Variants in ARHGAP11B observed in about 807,000 individuals in gnomAD.
ARHGAP11B encodes inactive Rho GTPase-activating protein 11B.
Under a neutral mutation model 27.6 loss-of-function variants are expected in ARHGAP11B, and 14 were observed. The ratio of observed to expected loss-of-function variants is 0.51; its 90% confidence interval spans 0.34 to 0.79. The LOEUF (loss-of-function observed/expected upper bound fraction) is 0.79, where lower values mean the gene tolerates loss of function less well. ARHGAP11B is among the 30% of genes least tolerant of loss of function. The pLI is 0.02. For synonymous variants in ARHGAP11B, 82 were observed against 114.1 expected (o/e 0.72, Z 1.80); for missense variants, 245 against 320.1 (o/e 0.77, Z 1.79).
At chr15:30,627,052 GA>G in intron 1 of ARHGAP11B, 103 bp downstream of exon 1, 2 of 1,531,950 alleles carry the variant, frequency 1.3e-6, no homozygotes, top group Non-Finnish European at 1.8e-6. Context: ...GTATCAAAAA[GA>G]ATGGTTAGGT....
At chr15:30,628,993 T>C (rs1026218481) in intron 1 of ARHGAP11B, among the ~76,000 whole-genome samples, 2 of 152,190 alleles carry the variant, frequency 1.3e-5, no homozygotes, top group Middle Eastern at 3.4e-3. Flanking sequence ...TCAAGAAAAT[T>C]CTGATTTACC....
intron 2 of ARHGAP11B, among the ~76,000 whole-genome samples, chr15:30,632,808 C>T (rs533858830): frequency 2.7e-4 from 41 of 151,892 alleles, no homozygotes; most frequent in Non-Finnish European, 5.4e-4. Context: ...GAAAAAAAAC[C>T]TCGCCCTGTT....
rs1389847863 is a variant in ARHGAP11B at position 30,638,957 on chromosome 15, T to A, written c.*78+137T>A. 7.1e-6 allele frequency: 3 copies of A among 420,742 alleles called. No homozygotes were observed. In the South Asian group the frequency reaches 1.5e-4, roughly 21 times the overall value. 26.1% of individuals were successfully genotyped at this position (420,742 alleles called of 1,614,324 possible). A position where few individuals can be genotyped will look rare whatever the true frequency, so the allele number is the denominator to read the frequency against. On this transcript the variant is annotated intron_variant, in intron 7 of 10. Coordinates refer to ENST00000428041, the Ensembl canonical transcript of ARHGAP11B. ...CAAATATTATTTTTAATAGTCATAC[T>A]GTACTATACACACTATGTTGTGACA...
Position 30,638,825 on chromosome 15 carries a change from G to A in ARHGAP11B, c.*78+5G>A, listed in dbSNP as rs1329738054. On this transcript the variant is annotated splice_donor_5th_base_variant and intron_variant, in intron 7 of 10. Coordinates refer to ENST00000428041, the Ensembl canonical transcript of ARHGAP11B. ...CACCTCAACAAGAAAGAATTGGTAG[G>A]TATTTATTATATGCATTTATTTAAA... 9 of 1,366,744 alleles carry A rather than the reference G, an allele frequency of 6.6e-6. No individual in the cohort carries two copies. In the African/African-American group the frequency reaches 1.2e-4, roughly 18 times the overall value. 84.7% of individuals were successfully genotyped at this position (1,366,744 alleles called of 1,614,324 possible).
At chr15:30,648,568 C>G (rs547817113) in exon 11 of ARHGAP11B, among the ~76,000 whole-genome samples, 2 of 152,006 alleles carry the variant, frequency 1.3e-5, no homozygotes, top group Non-Finnish European at 2.9e-5. Context: ...ATAACTACTT[C>G]ATAGATTTTT....
At position 30,648,360 on chromosome 15, in the gene ARHGAP11B, C is replaced by T. The variant is rs1169979584; in HGVS notation, c.*428C>T. On this transcript the variant is annotated 3_prime_UTR_variant, in exon 11 of 11. Transcript: ENST00000428041. ...TCAAGTGTTAGAAGGCTCTGGGTTC[C>T]TGTTGCCTGTAAGACTTGGCCAAAT... is the stretch of plus-strand genomic sequence containing the variant. Among the ~76,000 whole-genome samples the T allele has an allele frequency of 1.3e-5, 2 of 151,982 alleles. 1 individual carries two copies. Among genetic ancestry groups the T allele is most frequent in the Non-Finnish European group, 2.9e-5 (2 of 67,964 alleles).
At chr15:30,643,448 T>G (rs941853177) in intron 7 of ARHGAP11B, among the ~76,000 whole-genome samples, 2 of 151,998 alleles carry the variant, frequency 1.3e-5, no homozygotes, top group African/African-American at 4.8e-5. Context: ...CTGGCTAAGT[T>G]TTGTAGTTTT....
intron 7 of ARHGAP11B, among the ~76,000 whole-genome samples, chr15:30,640,712 A>G (rs2060310117): frequency 6.6e-6 from 1 of 151,752 alleles, no homozygotes; most frequent in Non-Finnish European, 1.5e-5. Flanking sequence ...CTGTTGTCCA[A>G]AAGGGTTCTT....
chr15:30,646,799 A>T (rs960067360), intron 9 of ARHGAP11B, among the ~76,000 whole-genome samples: 11 of 151,792 alleles, frequency 7.2e-5, no homozygotes, highest in African/African-American at 1.7e-4. Flanking sequence ...GTGAAACCCC[A>T]TCTCTACTAA....
At chr15:30,629,324 A>G (rs2060229279) in intron 1 of ARHGAP11B, among the ~76,000 whole-genome samples, 1 of 151,948 alleles carries the variant, frequency 6.6e-6, no homozygotes, top group South Asian at 2.1e-4. Context: ...AGGGTGGATC[A>G]CGAGGTCAGG....
Position 30,644,137 on chromosome 15 carries a change from A to C in ARHGAP11B, c.*79-502A>C, listed in dbSNP as rs550143945. On this transcript the variant is annotated intron_variant, in intron 7 of 10. Transcript: ENST00000428041. ...AAACTACTATTTACAAAAAAAAAAA[A>C]TTCTTTCTGTCCAGGGTTTTGTCTG... Among the ~76,000 whole-genome samples, 7 of 151,914 alleles carry C rather than the reference A, an allele frequency of 4.6e-5. No homozygotes were observed. In the South Asian group the frequency reaches 1.5e-3, roughly 32 times the overall value.
intron 1 of ARHGAP11B, among the ~76,000 whole-genome samples, chr15:30,629,961 A>T (rs368697288): frequency 1.3e-5 from 2 of 152,138 alleles, no homozygotes; most frequent in South Asian, 2.1e-4. Flanking sequence ...ACGCACAAAG[A>T]TAGTGGCAGA....
At chr15:30,638,791 C>T in exon 7 of ARHGAP11B, 1 of 1,479,900 alleles carries the variant, frequency 6.8e-7, no homozygotes, top group Non-Finnish European at 9.0e-7. Flanking sequence ...AACAGAACAC[C>T]TTCTATTACA....
exon 1 of ARHGAP11B, chr15:30,626,147 A>G (rs917784004): frequency 1.3e-4 from 20 of 153,526 alleles, no homozygotes; most frequent in Non-Finnish European, 1.6e-4. Flanking sequence ...GGGTGTCTGC[A>G]GTGGAGCTGG....
intron 6 of ARHGAP11B, among the ~76,000 whole-genome samples, chr15:30,637,680 G>C (rs575385143): frequency 6.6e-6 from 1 of 151,904 alleles, no homozygotes; most frequent in Non-Finnish European, 1.5e-5. Context: ...GTTGTCGTTG[G>C]CTGAGATCGG....
At chr15:30,648,688 TATC>T (rs2060367173) in exon 11 of ARHGAP11B, 1 of 152,054 alleles carries the variant, frequency 6.6e-6, no homozygotes, top group Non-Finnish European at 1.5e-5. Context: ...TTGCAGTTAT[TATC>T]ATGAAGCTTG....
intron 9 of ARHGAP11B, among the ~76,000 whole-genome samples, chr15:30,647,049 A>G (rs2060354077): frequency 6.6e-6 from 1 of 151,918 alleles, no homozygotes; most frequent in African/African-American, 2.4e-5. Flanking sequence ...CCCATGTGGA[A>G]TGGGTTGTGG....
chr15:30,643,189 C>A (rs2060325232), intron 7 of ARHGAP11B, among the ~76,000 whole-genome samples: 1 of 151,874 alleles, frequency 6.6e-6, no homozygotes, highest in Non-Finnish European at 1.5e-5. Context: ...TGTTGTTATG[C>A]CCCCTTAGTC....
intron 7 of ARHGAP11B, chr15:30,641,526 G>T (rs557742963): frequency 6.6e-6 from 1 of 151,816 alleles, no homozygotes; most frequent in African/African-American, 2.4e-5. Flanking sequence ...TTTTAGTAGA[G>T]ACGGGGTTTC....
Sources: gnomAD v4.1 joint callset for allele counts (sites outside exome capture counted in the v4.1 genomes callset) on GRCh38, gnomAD v4.1.1 for gene constraint, MANE v1.5 for transcripts, NCBI Gene and HGNC (gene_info 2026-07-23, HGNC 2026-07-21) for gene names.